SEM1: variants seen among roughly 807,000 people sequenced by gnomAD.
The protein encoded by SEM1 is SEM1 26S proteasome subunit, also known as 26S proteasome complex subunit SEM1.
A neutral mutation model predicts 12.7 loss-of-function variants in SEM1; 3 were observed. The ratio of observed to expected loss-of-function variants is 0.24; its 90% CI spans 0.11 to 0.61. The LOEUF (loss-of-function observed/expected upper bound fraction) is 0.61, where lower values mean the gene tolerates loss of function less well. SEM1 is among the 20% of genes least tolerant of loss of function. SEM1 has a pLI of 0.88. For synonymous variants in SEM1, 30 were observed against 27.8 expected (o/e 1.08, Z -0.25); for missense variants, 59 against 81.3 (o/e 0.73, Z 1.06).
At chr7:96,567,144 A>T (rs1805865801) in intron 2 of SEM1, among the ~76,000 whole-genome samples, 1 of 151,660 alleles carries the variant, frequency 6.6e-6, no homozygotes, top group Non-Finnish European at 1.5e-5. Context: ...AAATTAATGT[A>T]TAGGTAAATA....
At chr7:96,566,508 A>G (rs569991546) in intron 2 of SEM1, among the ~76,000 whole-genome samples, 1 of 151,650 alleles carries the variant, frequency 6.6e-6, no homozygotes, top group South Asian at 2.1e-4. Context: ...TATTTTTTCT[A>G]ATTGATTCAT....
downstream of SEM1, among the ~76,000 whole-genome samples, chr7:96,684,154 G>A (rs1438282975): frequency 6.6e-6 from 1 of 152,062 alleles, no homozygotes; most frequent in Non-Finnish European, 1.5e-5. Flanking sequence ...AACTGCAATA[G>A]TTGTTATATG....
intron 2 of SEM1, among the ~76,000 whole-genome samples, chr7:96,659,732 G>A (rs1359394892): frequency 6.6e-6 from 1 of 151,838 alleles, no homozygotes; most frequent in Non-Finnish European, 1.5e-5. Context: ...ATTTTGTTAA[G>A]CTTACTTGCA....
chr7:96,500,971 G>C (rs918193517), upstream of SEM1, among the ~76,000 whole-genome samples: 3 of 151,972 alleles, frequency 2.0e-5, no homozygotes, highest in Non-Finnish European at 2.9e-5. Context: ...ACTGGATTTT[G>C]TGAAAAAAGT....
At chr7:96,674,480 G>T (rs1789402397) in intron 2 of SEM1, among the ~76,000 whole-genome samples, 1 of 151,876 alleles carries the variant, frequency 6.6e-6, no homozygotes, top group South Asian at 2.1e-4. Context: ...AACATAAGGA[G>T]ACTCTTTCTC....
downstream of SEM1, among the ~76,000 whole-genome samples, chr7:96,618,911 T>A (rs949073479): frequency 2.0e-5 from 3 of 152,244 alleles, no homozygotes; most frequent in Admixed American, 1.3e-4. Context: ...TGATTACACC[T>A]CTGCACTTTG....
chr7:96,569,747 G>A (rs1212159707), intron 2 of SEM1, among the ~76,000 whole-genome samples: 1 of 151,920 alleles, frequency 6.6e-6, no homozygotes, highest in Non-Finnish European at 1.5e-5. Flanking sequence ...AGATGTCCAT[G>A]TTTATCCTTT....
chr7:96,628,207 T>C (rs1283984840), intron 2 of SEM1, among the ~76,000 whole-genome samples: 1 of 152,096 alleles, frequency 6.6e-6, no homozygotes. Context: ...ATGGATCTTT[T>C]CATTGGGTAC....
At chr7:96,662,009 A>AAAAT (rs1554431166) in intron 2 of SEM1, among the ~76,000 whole-genome samples, 12 of 140,488 alleles carry the variant, frequency 8.5e-5, no homozygotes, top group African/African-American at 1.4e-4. Context: ...AAAAAAAAAA[A>AAAAT]AGTCAGCAAA....
chr7:96,486,465 G>C, intron 1 of SEM1: 2 of 1,460,256 alleles, frequency 1.4e-6, no homozygotes. Flanking sequence ...AGGCTGGCAG[G>C]AGGTGAGGAG....
downstream of SEM1, among the ~76,000 whole-genome samples, chr7:96,620,057 A>T (rs908791039): frequency 6.6e-6 from 1 of 152,066 alleles, no homozygotes; most frequent in African/African-American, 2.4e-5. Context: ...TATTCTAGAT[A>T]TATGTAGGAG....
At chr7:96,591,116 A>G (rs1289966696) in intron 2 of SEM1, among the ~76,000 whole-genome samples, 3 of 152,198 alleles carry the variant, frequency 2.0e-5, no homozygotes, top group Non-Finnish European at 4.4e-5. Context: ...TGTTAAGTCT[A>G]CAATTTCCCC....
intron 2 of SEM1, among the ~76,000 whole-genome samples, chr7:96,667,687 C>T (rs1789206647): frequency 6.6e-6 from 1 of 152,208 alleles, no homozygotes; most frequent in South Asian, 2.1e-4. Flanking sequence ...TCTTCCAAAA[C>T]ATTAAACCAA....
At chr7:96,639,193 C>G (rs1808517271) in intron 2 of SEM1, among the ~76,000 whole-genome samples, 2 of 151,870 alleles carry the variant, frequency 1.3e-5, no homozygotes, top group South Asian at 4.1e-4. Context: ...CAACTTTGTT[C>G]ACATTTGGCA....
chr7:96,674,910 C>G (rs1481227398), intron 2 of SEM1, among the ~76,000 whole-genome samples: 1 of 152,164 alleles, frequency 6.6e-6, no homozygotes, highest in Non-Finnish European at 1.5e-5. Flanking sequence ...TCCTGGAAAG[C>G]TGTGCACAAG....
chr7:96,686,121 A>G (rs1158532259), downstream of SEM1, among the ~76,000 whole-genome samples: 5 of 152,144 alleles, frequency 3.3e-5, no homozygotes, highest in East Asian at 9.6e-4. Context: ...AAAATTGTTT[A>G]CAATAAACAG....
chr7:96,621,142 AT>A (rs1807880568), downstream of SEM1, among the ~76,000 whole-genome samples: 1 of 152,256 alleles, frequency 6.6e-6, no homozygotes, highest in Non-Finnish European at 1.5e-5. Flanking sequence ...AAAATATGGA[AT>A]AGAAGTAGAT....
At chr7:96,554,889 T>G (rs939950341) in intron 2 of SEM1, among the ~76,000 whole-genome samples, 3 of 148,114 alleles carry the variant, frequency 2.0e-5, no homozygotes, top group Admixed American at 1.4e-4. Flanking sequence ...TTTATTGGTC[T>G]ATTCAGAGAT....
intron 2 of SEM1, among the ~76,000 whole-genome samples, chr7:96,605,969 T>TTAG: frequency 6.6e-6 from 1 of 152,292 alleles, no homozygotes; most frequent in East Asian, 1.9e-4. Context: ...CGCTAGTCAC[T>TTAG]TAGTAGCCAT....
Sources: gnomAD v4.1 joint callset for allele counts (sites outside exome capture counted in the v4.1 genomes callset) on GRCh38, gnomAD v4.1.1 for gene constraint, MANE v1.5 for transcripts, NCBI Gene and HGNC (gene_info 2026-07-23, HGNC 2026-07-21) for gene names.